TMTC2: variants seen among roughly 807,000 people sequenced by gnomAD.
TMTC2 encodes the protein transmembrane O-mannosyltransferase targeting cadherins 2.
A neutral mutation model predicts 82.4 loss-of-function variants in TMTC2; 43 were observed. The observed-to-expected ratio is 0.52, with a 90% CI of 0.41 to 0.67. The LOEUF is 0.67. Among genes scored for constraint, TMTC2 ranks in the 30% least tolerant of loss-of-function variants. The pLI, the probability that TMTC2 is intolerant of heterozygous loss-of-function variation, is 0.00. For synonymous variants in TMTC2, 408 were observed against 381.9 expected (o/e 1.07, Z -0.80); for missense variants, 919 against 1,012.4 (o/e 0.91, Z 1.25).
chr12:82,919,646 G>T (rs980493049), intron 3 of TMTC2, among the ~76,000 whole-genome samples: 1 of 152,124 alleles, frequency 6.6e-6, no homozygotes, highest in Non-Finnish European at 1.5e-5. Flanking sequence ...AGTGAAACAG[G>T]CATAGGGTAG....
rs185922736 is a variant in TMTC2, at chr12:82,696,454, T to A, written c.83+8785T>A. Among the ~76,000 whole-genome samples, 859 of 152,284 alleles carry A rather than the reference T, an allele frequency of 5.6e-3. 4 individuals are homozygous for A. Among genetic ancestry groups the A allele is most frequent in the Admixed American group, 8.2e-3 (126 of 15,290 alleles). On this transcript the variant is annotated intron_variant, in intron 1 of 11. Coordinates refer to ENST00000321196, the MANE Select transcript of TMTC2 (RefSeq NM_152588.3). Reference sequence around the variant, plus strand: ...TAACTAAAGAAAATGAATTTGAGATTTAATAAAAATCTTTTAAAGATACCA... The same window carrying A: ...TAACTAAAGAAAATGAATTTGAGATATAATAAAAATCTTTTAAAGATACCA...
chr12:83,113,314 C>T (rs1013620965), intron 11 of TMTC2, among the ~76,000 whole-genome samples: 1 of 152,158 alleles, frequency 6.6e-6, no homozygotes, highest in Non-Finnish European at 1.5e-5. Context: ...GAAGCTATTA[C>T]TCAGAAAATG....
At chr12:83,093,351 G>A (rs1021106560) in intron 11 of TMTC2, among the ~76,000 whole-genome samples, 1 of 152,098 alleles carries the variant, frequency 6.6e-6, no homozygotes, top group Non-Finnish European at 1.5e-5. Context: ...ACAAAGTGAG[G>A]GAGAAAAAGG....
intron 11 of TMTC2, among the ~76,000 whole-genome samples, chr12:83,121,827 C>T (rs1174929395): frequency 6.6e-6 from 1 of 152,038 alleles, no homozygotes; most frequent in Admixed American, 6.5e-5. Flanking sequence ...GGTATTGCTG[C>T]GACTGCTGTT....
intron 4 of TMTC2, among the ~76,000 whole-genome samples, chr12:82,935,234 A>G (rs950234116): frequency 6.6e-6 from 1 of 152,166 alleles, no homozygotes; most frequent in Non-Finnish European, 1.5e-5. Context: ...ATATCATTTG[A>G]TATCATTTGA....
intron 11 of TMTC2, among the ~76,000 whole-genome samples, chr12:83,130,897 C>T (rs2137574295): frequency 6.6e-6 from 1 of 152,188 alleles, no homozygotes; most frequent in East Asian, 1.9e-4. Context: ...AGTGGTTGAA[C>T]AGGAACTCAA....
chr12:82,930,236 T>C (rs1875954353), intron 3 of TMTC2, among the ~76,000 whole-genome samples, 195 bp from the exon 4 acceptor site: 1 of 152,172 alleles, frequency 6.6e-6, no homozygotes, highest in East Asian at 1.9e-4. Context: ...AATAATTACT[T>C]TAATTTTTTA....
At chr12:82,851,120 TTGA>T (rs1442602220) in intron 1 of TMTC2, among the ~76,000 whole-genome samples, 1 of 151,236 alleles carries the variant, frequency 6.6e-6, no homozygotes, top group East Asian at 2.0e-4. Context: ...TTGTTTGGTG[TTGA>T]TGATGATAAT....
At chr12:83,107,874 C>T (rs984411838) in intron 11 of TMTC2, among the ~76,000 whole-genome samples, 1 of 152,090 alleles carries the variant, frequency 6.6e-6, no homozygotes, top group African/African-American at 2.4e-5. Flanking sequence ...CCAAATCTCA[C>T]GTTGAATTGG....
In TMTC2 at chr12:82,979,848, A is replaced by G. The variant is rs574610271; in HGVS notation, c.1949-6077A>G. ...TATTTCTCCTTCATGTTTGAAGGAT[A>G]TTTTCACTGGATCCACTATTCTAGG... On this transcript the variant is annotated intron_variant, in intron 7 of 11. Transcript: ENST00000321196. Among the ~76,000 whole-genome samples, 103 of 151,740 alleles carry G rather than the reference A, an allele frequency of 6.8e-4. 1 individual carries two copies. Among genetic ancestry groups the G allele is most frequent in the African/African-American group, 2.4e-3 (100 of 41,478 alleles).
At chr12:82,742,867 T>A (rs1875491219) in intron 1 of TMTC2, among the ~76,000 whole-genome samples, 1 of 152,186 alleles carries the variant, frequency 6.6e-6, no homozygotes, top group South Asian at 2.1e-4. Flanking sequence ...TCCATTTTTA[T>A]TAACACCACT....
intron 9 of TMTC2, among the ~76,000 whole-genome samples, chr12:83,041,904 G>A (rs767343649): frequency 2.0e-5 from 3 of 152,174 alleles, no homozygotes; most frequent in Non-Finnish European, 2.9e-5. Flanking sequence ...TGAAGTTTGT[G>A]TTGTGTGAAG....
chr12:82,794,808 GAGA>G (rs1240722870), intron 1 of TMTC2, among the ~76,000 whole-genome samples: 7 of 152,228 alleles, frequency 4.6e-5, no homozygotes, highest in African/African-American at 1.4e-4. Context: ...GCCATTTGCA[GAGA>G]AGAAGTAGTT....
chr12:83,041,959 A>C (rs1432521175), intron 9 of TMTC2, among the ~76,000 whole-genome samples: 1 of 152,172 alleles, frequency 6.6e-6, no homozygotes, highest in Non-Finnish European at 1.5e-5. Flanking sequence ...GGGCAGGGAG[A>C]GAAACAGTTT....
chr12:83,010,863 TCACTCTTGTCACCCAGGCTGGAGTG>T (rs1309238547), intron 8 of TMTC2, among the ~76,000 whole-genome samples: 14 of 152,204 alleles, frequency 9.2e-5, no homozygotes, highest in Non-Finnish European at 1.8e-4. Flanking sequence ...AAATGGAGTT[TCACTCTTGTCACCCAGGCTGGAGTG>T]CAATGGTGCG....
chr12:82,795,235 G>T lies in TMTC2; in HGVS notation c.84-61775G>T, dbSNP rs574456017. On this transcript the variant is annotated intron_variant, in intron 1 of 11. Coordinates refer to ENST00000321196, the MANE Select transcript of TMTC2 (RefSeq NM_152588.3). ...TGGGCGAATTGCTTGAACCTGGGAGGCAGGGGTTGCAGTGAGCCGAGATCG... is the reference window on the plus strand; with the variant it reads ...TGGGCGAATTGCTTGAACCTGGGAGTCAGGGGTTGCAGTGAGCCGAGATCG... Among the ~76,000 whole-genome samples the T allele has an allele frequency of 2.7e-5, 4 of 150,914 alleles. No individual in the cohort carries two copies. The East Asian group carries it at 7.8e-4, about 29-fold the overall frequency.
At position 83,009,437 on chromosome 12, in the gene TMTC2, C is replaced by T. The variant is rs150792348; in HGVS notation, c.2071-21361C>T. Among the ~76,000 whole-genome samples the T allele has an allele frequency of 6.6e-4, 101 of 152,042 alleles. 1 individual carries two copies. Among genetic ancestry groups the T allele is most frequent in the African/African-American group, 2.3e-3 (94 of 41,364 alleles). ...AAGTGTGCCTATGAGATTTTTGGCT[C>T]GATTTGCTTCTGCGTCAGAAAAGCA... On this transcript the variant is annotated intron_variant, in intron 8 of 11. Transcript: ENST00000321196.
chr12:82,887,698 T>C (rs187252208), intron 2 of TMTC2, among the ~76,000 whole-genome samples: 3 of 152,344 alleles, frequency 2.0e-5, no homozygotes, highest in Non-Finnish European at 4.4e-5. Flanking sequence ...AAATATCTAT[T>C]TTTGTTTATC....
intron 11 of TMTC2, among the ~76,000 whole-genome samples, chr12:83,087,388 G>A (rs1388080707): frequency 6.6e-6 from 1 of 152,134 alleles, no homozygotes; most frequent in Non-Finnish European, 1.5e-5. Flanking sequence ...CTCTTGTTAA[G>A]GTTGATATTT....
Sources: gnomAD v4.1 joint callset for allele counts (sites outside exome capture counted in the v4.1 genomes callset) on GRCh38, gnomAD v4.1.1 for gene constraint, MANE v1.5 for transcripts, NCBI Gene and HGNC (gene_info 2026-07-23, HGNC 2026-07-21) for gene names.